The following C11orf97 variants were observed in gnomAD, a reference collection of about 807,000 sequenced individuals.
The protein encoded by C11orf97 is chromosome 11 open reading frame 97, also known as uncharacterized protein C11orf97.
In C11orf97, 15 loss-of-function variants were observed where a neutral mutation model predicts 16.2. The observed-to-expected ratio is 0.93, with a 90% CI of 0.62 to 1.43. The LOEUF (loss-of-function observed/expected upper bound fraction) is 1.43, where lower values mean the gene tolerates loss of function less well. Among genes scored for constraint, C11orf97 ranks in the 40% most tolerant of loss-of-function variants. C11orf97 has a pLI of 0.00. For synonymous variants in C11orf97, 61 were observed against 65.7 expected (o/e 0.93, Z 0.34); for missense variants, 171 against 161.2 (o/e 1.06, Z -0.33).
Position 94,520,401 on chromosome 11 carries a change from G to T in C11orf97, c.250+2714G>T, listed in dbSNP as rs368147863. On this transcript the variant is annotated intron_variant, in intron 2 of 3. Transcript: ENST00000542198. ...TCCACCTAGCCTGTATAATTTAGAG[G>T]TCTCAGTCATGGGCTCTTTTCTCTA... is the stretch of plus-strand genomic sequence containing the variant. Among the ~76,000 whole-genome samples the T allele has an allele frequency of 1.1e-4, 17 of 152,102 alleles. No homozygotes were observed. In the East Asian group the frequency reaches 1.4e-3, roughly 12 times the overall value.
At chr11:94,522,809 A>T (rs1244685997) in intron 2 of C11orf97, among the ~76,000 whole-genome samples, 1 of 152,220 alleles carries the variant, frequency 6.6e-6, no homozygotes, top group East Asian at 1.9e-4. Flanking sequence ...TAAATATCTG[A>T]ACCAGTTGTC....
chr11:94,519,258 A>G (rs1947638383), intron 2 of C11orf97, among the ~76,000 whole-genome samples: 1 of 152,190 alleles, frequency 6.6e-6, no homozygotes, highest in Non-Finnish European at 1.5e-5. Flanking sequence ...GTCTTCTCGT[A>G]TGACCCATTC....
chr11:94,530,064 A>G (rs1947726898), intron 3 of C11orf97, among the ~76,000 whole-genome samples: 1 of 152,220 alleles, frequency 6.6e-6, no homozygotes, highest in Non-Finnish European at 1.5e-5. Context: ...ATTTAAAGAC[A>G]TACAAGTCCA....
chr11:94,513,053 A>T (rs540795784), intron 1 of C11orf97, among the ~76,000 whole-genome samples: 1 of 152,292 alleles, frequency 6.6e-6, no homozygotes, highest in African/African-American at 2.4e-5. Context: ...AGAAACACGC[A>T]GCTCATTTTG....
At chr11:94,518,894 T>C (rs1338582103) in intron 2 of C11orf97, among the ~76,000 whole-genome samples, 1 of 151,756 alleles carries the variant, frequency 6.6e-6, no homozygotes, top group African/African-American at 2.4e-5. Context: ...TTACATGATG[T>C]ATGTTGTGCC....
At chr11:94,517,487 G>A in intron 1 of C11orf97, 96 bp from the exon 2 acceptor site, 1 of 604,564 alleles carries the variant, frequency 1.7e-6, no homozygotes, top group Non-Finnish European at 2.6e-6. Context: ...GGAATAACAT[G>A]TCTTCTTTTA....
chr11:94,525,008 G>A lies in C11orf97; in HGVS notation c.251-3076G>A, dbSNP rs567197713. 1.0e-4 allele frequency among the ~76,000 whole-genome samples: 15 copies of A among 145,936 alleles called. No individual in the cohort carries two copies. The South Asian group carries it at 2.8e-3, about 27-fold the overall frequency. ...CAGGAGGCGAATGTTGCAGTGGGCC[G>A]AGATCTCACCACTGCACTTCAGCTT... is the stretch of plus-strand genomic sequence containing the variant. On this transcript the variant is annotated intron_variant, in intron 2 of 3. Coordinates refer to ENST00000542198, the MANE Select transcript of C11orf97 (RefSeq NM_001190462.2).
intron 2 of C11orf97, among the ~76,000 whole-genome samples, chr11:94,524,944 A>G (rs886126392): frequency 4.9e-4 from 74 of 152,018 alleles, no homozygotes; most frequent in Admixed American, 2.0e-4. Context: ...CTATAGTCCC[A>G]GCTACTCTTG....
chr11:94,521,142 C>T (rs1947654555), intron 2 of C11orf97, among the ~76,000 whole-genome samples: 1 of 152,316 alleles, frequency 6.6e-6, no homozygotes, highest in Non-Finnish European at 1.5e-5. Context: ...GAGGCCTTTC[C>T]ACTCCACCAG....
intron 1 of C11orf97, among the ~76,000 whole-genome samples, chr11:94,515,596 CTTT>C: frequency 6.7e-6 from 1 of 149,256 alleles, no homozygotes; most frequent in South Asian, 2.1e-4. Context: ...TCCCTTTCTC[CTTT>C]TTTTTCCTTT....
intron 2 of C11orf97, among the ~76,000 whole-genome samples, chr11:94,520,108 G>T (rs1373323787): frequency 6.6e-6 from 1 of 152,104 alleles, no homozygotes; most frequent in Non-Finnish European, 1.5e-5. Flanking sequence ...CTTCTCCTTT[G>T]CTACTTCACC....
At chr11:94,514,818 T>A (rs1481752103) in intron 1 of C11orf97, among the ~76,000 whole-genome samples, 2 of 152,012 alleles carry the variant, frequency 1.3e-5, no homozygotes, top group African/African-American at 4.8e-5. Context: ...CTAATTTTTG[T>A]ATTTTTAGTA....
intron 2 of C11orf97, among the ~76,000 whole-genome samples, chr11:94,523,520 G>A (rs928882938): frequency 2.0e-5 from 3 of 152,132 alleles, no homozygotes; most frequent in Admixed American, 6.5e-5. Context: ...TTAAGAGGGC[G>A]ATCTGTCCTG....
intron 1 of C11orf97, among the ~76,000 whole-genome samples, chr11:94,515,936 A>G (rs1369269506): frequency 2.0e-5 from 3 of 152,108 alleles, no homozygotes; most frequent in Non-Finnish European, 2.9e-5. Context: ...TTGTTCTGTT[A>G]TAGGCTTAGT....
At chr11:94,522,317 C>T (rs971819602) in intron 2 of C11orf97, among the ~76,000 whole-genome samples, 5 of 152,248 alleles carry the variant, frequency 3.3e-5, no homozygotes, top group African/African-American at 1.2e-4. Flanking sequence ...GGGCGTATCA[C>T]GAGGTCAGGA....
rs1947699182 is a variant in C11orf97 at position 94,526,200 on chromosome 11, C to T, written c.251-1884C>T. Among the ~76,000 whole-genome samples, 2 of 152,178 alleles carry T rather than the reference C, an allele frequency of 1.3e-5. 1 individual carries two copies. Among genetic ancestry groups the T allele is most frequent in the South Asian group, 4.1e-4 (2 of 4,832 alleles). On this transcript the variant is annotated intron_variant, in intron 2 of 3. Coordinates refer to ENST00000542198, the MANE Select transcript of C11orf97 (RefSeq NM_001190462.2). ...TTTCTCTTAAAAGAAGCAGCTGCCT[C>T]AGAGAGCACCCATGCTGTTTTCTAG...
At chr11:94,522,785 C>G (rs567736485) in intron 2 of C11orf97, among the ~76,000 whole-genome samples, 3 of 152,152 alleles carry the variant, frequency 2.0e-5, no homozygotes, top group Admixed American at 1.3e-4. Flanking sequence ...TTATTTGCCC[C>G]GCAGTATATT....
chr11:94,519,066 G>A (rs930596005), intron 2 of C11orf97, among the ~76,000 whole-genome samples: 3 of 151,790 alleles, frequency 2.0e-5, no homozygotes, highest in Non-Finnish European at 4.4e-5. Context: ...ACACCACCAC[G>A]GCCCAGCTAA....
chr11:94,513,007 A>G lies in C11orf97; in HGVS notation c.145+334A>G, dbSNP rs116594111. Among the ~76,000 whole-genome samples, 340 of 152,274 alleles carry G rather than the reference A, an allele frequency of 2.2e-3. 1 individual carries two copies. Among genetic ancestry groups the G allele is most frequent in the African/African-American group, 7.5e-3 (312 of 41,536 alleles). The stretch of plus-strand genomic sequence containing the variant: ...ATTTTATATACACATTTGTATATGT[A>G]TATGTGTATGTATGTATGTATGCGT... On this transcript the variant is annotated intron_variant, in intron 1 of 3. Coordinates refer to ENST00000542198, the MANE Select transcript of C11orf97 (RefSeq NM_001190462.2).
Sources: gnomAD v4.1 joint callset for allele counts (sites outside exome capture counted in the v4.1 genomes callset) on GRCh38, gnomAD v4.1.1 for gene constraint, MANE v1.5 for transcripts, NCBI Gene and HGNC (gene_info 2026-07-23, HGNC 2026-07-21) for gene names.